The following GNAL variants were observed in gnomAD, a reference collection of about 807,000 sequenced individuals.
The protein encoded by GNAL is G protein subunit alpha L.
GNAL carries 18 observed loss-of-function variants against 55.1 expected under a neutral mutation model. That is an observed-to-expected ratio of 0.33 (90% CI 0.23 to 0.48). The LOEUF (loss-of-function observed/expected upper bound fraction) is 0.48, where lower values mean the gene tolerates loss of function less well. Ranked by LOEUF, GNAL falls within the 20% of genes least tolerant of loss-of-function variation. The pLI is 0.99. For synonymous variants in GNAL, 253 were observed against 237.0 expected (o/e 1.07, Z -0.62); for missense variants, 412 against 614.1 (o/e 0.67, Z 3.48).
chr18:11,777,721 T>A (rs72865294), intron 4 of GNAL, among the ~76,000 whole-genome samples: 17,003 of 152,194 alleles, frequency 0.11, 1,293 homozygotes, highest in East Asian at 0.32. Context: ...GGTATATACA[T>A]ATGTTAAAAG....
At chr18:11,879,079 C>T (rs1192066077) in intron 11 of GNAL, among the ~76,000 whole-genome samples, 1 of 132,822 alleles carries the variant, frequency 7.5e-6, no homozygotes, top group Non-Finnish European at 1.6e-5. Context: ...ACGTTGTGCA[C>T]ATGTATCCTA....
chr18:11,797,328 G>A (rs1434296146), intron 4 of GNAL, among the ~76,000 whole-genome samples: 1 of 152,150 alleles, frequency 6.6e-6, no homozygotes, highest in Non-Finnish European at 1.5e-5. Flanking sequence ...TTTATGATCA[G>A]AGAAAAAAGT....
chr18:11,785,834 G>A (rs528661076), intron 4 of GNAL, among the ~76,000 whole-genome samples: 1 of 152,130 alleles, frequency 6.6e-6, no homozygotes, highest in South Asian at 2.1e-4. Context: ...GCTCAGCCCC[G>A]TGTTGAGCTG....
chr18:11,720,958 T>C (rs923958563), intron 1 of GNAL, among the ~76,000 whole-genome samples: 2 of 152,244 alleles, frequency 1.3e-5, no homozygotes, highest in African/African-American at 4.8e-5. Context: ...TTTTACCTTA[T>C]AATTTTAGGT....
intron 10 of GNAL, 139 bp downstream of exon 10, chr18:11,872,537 C>G (rs1317565057): frequency 1.7e-6 from 1 of 603,040 alleles, no homozygotes; most frequent in Non-Finnish European, 2.8e-6. Context: ...TGCCCATATC[C>G]TAAAGTATTA....
chr18:11,714,633 G>T (rs533344824), intron 1 of GNAL, among the ~76,000 whole-genome samples: 1 of 152,272 alleles, frequency 6.6e-6, no homozygotes, highest in African/African-American at 2.4e-5. Context: ...TATATTGTCA[G>T]GGTGAAACAA....
intron 1 of GNAL, among the ~76,000 whole-genome samples, chr18:11,731,128 T>A (rs1041702677): frequency 6.6e-6 from 1 of 152,220 alleles, no homozygotes; most frequent in East Asian, 1.9e-4. Flanking sequence ...CTTACCATCA[T>A]GGCCAGGAAT....
At chr18:11,715,349 T>C (rs2031934682) in intron 1 of GNAL, among the ~76,000 whole-genome samples, 1 of 149,862 alleles carries the variant, frequency 6.7e-6, no homozygotes, top group Non-Finnish European at 1.5e-5. Context: ...TAGTCCCAGC[T>C]ACTCGGGAGG....
rs774941073 is a variant in GNAL at position 11,881,068 on chromosome 18, G to A, written c.1310G>A (p.Arg437His). 6.2e-7 allele frequency: 1 copy of A among 1,613,510 alleles called. No individual in the cohort carries two copies. The highest frequency in any genetic ancestry group is 8.5e-7 in the Non-Finnish European group (1 of 1,179,596). Reference sequence around the variant, plus strand: ...TGCGCCGTGGACACAGAGAACATCCGCAGGGTGTTCAACGACTGCCGCGAC... The same window carrying A: ...TGCGCCGTGGACACAGAGAACATCCACAGGGTGTTCAACGACTGCCGCGAC... Reference protein sequence around the residue: ...FTCAVDTENIRRVFNDCRDII... With the variant: ...FTCAVDTENIHRVFNDCRDII... Residue 437 changes from arginine to histidine, a missense_variant, in exon 12 of 12, where the codon CGC becomes CAC. Coordinates refer to ENST00000334049, the MANE Select transcript of GNAL (RefSeq NM_182978.4). The surrounding 1 kb of genome is among the most constrained non-coding windows in gnomAD (Gnocchi z 4.8).
At position 11,847,039 on chromosome 18, in the gene GNAL, T is replaced by C. The variant is rs189941747; in HGVS notation, c.723-15356T>C. 1.7e-4 allele frequency among the ~76,000 whole-genome samples: 25 copies of C among 151,438 alleles called. No individual in the cohort carries two copies. The South Asian group carries it at 3.7e-3, about 23-fold the overall frequency. On this transcript the variant is annotated intron_variant, in intron 5 of 11. Transcript: ENST00000334049. ...TTATATATGTATGTAATGTATAATA[T>C]ATATATACATATATGTAATGTATTC...
At chr18:11,819,168 A>G (rs2143616921) in intron 4 of GNAL, among the ~76,000 whole-genome samples, 1 of 152,388 alleles carries the variant, frequency 6.6e-6, no homozygotes. Context: ...CACAGAAATT[A>G]TGCAAGAAAT....
chr18:11,819,423 G>A (rs766202840), intron 4 of GNAL, among the ~76,000 whole-genome samples: 5 of 151,960 alleles, frequency 3.3e-5, no homozygotes, highest in Non-Finnish European at 7.4e-5. Context: ...AATCAAAATT[G>A]TACTTCAAAA....
intron 11 of GNAL, among the ~76,000 whole-genome samples, chr18:11,878,578 T>C (rs1479283779): frequency 6.6e-6 from 1 of 152,062 alleles, no homozygotes; most frequent in East Asian, 1.9e-4. Flanking sequence ...TTTAGTTTGT[T>C]TATTTGGGAC....
At chr18:11,717,091 G>T (rs762596394) in intron 1 of GNAL, among the ~76,000 whole-genome samples, 1 of 152,238 alleles carries the variant, frequency 6.6e-6, no homozygotes, top group African/African-American at 2.4e-5. Context: ...GCCCTGCCAC[G>T]CGGGAAGGCA....
chr18:11,697,311 G>A (rs1407756714), intron 1 of GNAL, among the ~76,000 whole-genome samples: 1 of 152,194 alleles, frequency 6.6e-6, no homozygotes, highest in Non-Finnish European at 1.5e-5. Context: ...GCTGAGGTGG[G>A]CAGGTCACCT....
At chr18:11,704,786 T>TG (rs1489734793) in intron 1 of GNAL, among the ~76,000 whole-genome samples, 1 of 140,644 alleles carries the variant, frequency 7.1e-6, no homozygotes, top group Admixed American at 6.7e-5. Flanking sequence ...TATCAATTTT[T>TG]TTTTAATTTA....
intron 4 of GNAL, among the ~76,000 whole-genome samples, chr18:11,816,161 C>A (rs537334097): frequency 1.2e-3 from 183 of 152,308 alleles, no homozygotes; most frequent in African/African-American, 4.2e-3. Flanking sequence ...AAGACTTTTA[C>A]ACAAATAGTC....
intron 4 of GNAL, among the ~76,000 whole-genome samples, chr18:11,768,430 C>T (rs1430628567): frequency 6.6e-6 from 1 of 152,024 alleles, no homozygotes; most frequent in Non-Finnish European, 1.5e-5. Flanking sequence ...GGAGAAACCC[C>T]GTCTCTACTA....
rs561934497 is a variant in GNAL at position 11,724,861 on chromosome 18, C to A, written c.377-27992C>A. 4.6e-4 allele frequency among the ~76,000 whole-genome samples: 70 copies of A among 152,324 alleles called. 1 individual carries two copies. Among genetic ancestry groups the A allele is most frequent in the African/African-American group, 1.6e-3 (67 of 41,562 alleles). ...TGTTTCTTAAAAGGAAAGTCCTTAT[C>A]CCCAGAGAATGGTAGTGCCTTGCTC... On this transcript the variant is annotated intron_variant, in intron 1 of 11. Transcript: ENST00000334049.
Sources: gnomAD v4.1 joint callset for allele counts (sites outside exome capture counted in the v4.1 genomes callset) on GRCh38, gnomAD v4.1.1 for gene constraint, Gnocchi (gnomAD v3.1) non-coding constraint, MANE v1.5 for transcripts, NCBI Gene and HGNC (gene_info 2026-07-23, HGNC 2026-07-21) for gene names.